The following RNASEH2B variants were observed in gnomAD, a reference collection of about 807,000 sequenced individuals.
RNASEH2B encodes the protein Aicardi-Goutieres syndrome 2 protein.
A neutral mutation model predicts 45.0 loss-of-function variants in RNASEH2B; 36 were observed. The ratio of observed to expected loss-of-function variants is 0.80; its 90% CI spans 0.61 to 1.06. The LOEUF (loss-of-function observed/expected upper bound fraction) is 1.06. RNASEH2B is among the 50% of genes least tolerant of loss of function. RNASEH2B has a pLI of 0.00. For synonymous variants in RNASEH2B, 119 were observed against 125.7 expected, an observed-to-expected ratio of 0.95 and a Z score of 0.35; for missense variants, 361 against 360.3, an observed-to-expected ratio of 1.00 and a Z score of -0.02.
chr13:50,917,186 G>A (rs1879793140), intron 1 of RNASEH2B, among the ~76,000 whole-genome samples: 1 of 152,192 alleles, frequency 6.6e-6, no homozygotes, highest in Non-Finnish European at 1.5e-5. Flanking sequence ...AGAGGAGGAG[G>A]ACAAAGTGGG....
intron 5 of RNASEH2B, chr13:50,943,019 G>A (rs959008431): frequency 2.3e-5 from 7 of 307,180 alleles, no homozygotes; most frequent in African/African-American, 1.3e-4. Context: ...CTATCAACAA[G>A]ATTATTTTCC....
intron 1 of RNASEH2B, chr13:50,927,010 T>A (rs544814520): frequency 4.4e-6 from 1 of 227,294 alleles, no homozygotes; most frequent in East Asian, 1.2e-4. Flanking sequence ...CTTGATTACG[T>A]TAATGTTTTC....
At chr13:50,957,836 T>C (rs1171966203), downstream of RNASEH2B, among the ~76,000 whole-genome samples, 1 of 152,228 alleles carries the variant, frequency 6.6e-6, no homozygotes, top group East Asian at 1.9e-4. Context: ...GTGGTTTTCA[T>C]TTGCTTTGCT....
At position 50,930,752 on chromosome 13, in the gene RNASEH2B, A is replaced by G; in HGVS notation, c.314A>G (p.Asp105Gly). 6.2e-7 allele frequency: 1 copy of G among 1,613,018 alleles called. No homozygotes were observed. Among genetic ancestry groups the G allele is most frequent in the South Asian group, 1.1e-5 (1 of 91,074 alleles). Residue 105 changes from aspartate to glycine, a missense_variant, in exon 4 of 11, where the codon GAT becomes GGT. Asp to Gly is a moderately conservative substitution (Grantham distance 94). Transcript: ENST00000336617. ...CTTCTCCACTACCTCATAAAGGCTG[A>G]TAAGGAGGTGAGTTTCCAGCTCGGA... ...FLLLHYLIKADKEGKFQPLDQ... is the reference protein window; with the variant it reads ...FLLLHYLIKAGKEGKFQPLDQ...
At chr13:50,963,036 T>G (rs550677607) in intron 9 of RNASEH2B, among the ~76,000 whole-genome samples, 158 of 152,232 alleles carry the variant, frequency 1.0e-3, no homozygotes, top group Non-Finnish European at 1.9e-3. Flanking sequence ...TTGTTGGTTG[T>G]TTGTTTTTTT....
intron 9 of RNASEH2B, among the ~76,000 whole-genome samples, chr13:50,961,855 A>C (rs776617869): frequency 4.6e-5 from 7 of 152,142 alleles, no homozygotes; most frequent in Non-Finnish European, 8.8e-5. Context: ...AGGCTGAGAA[A>C]GTTTCCTTCT....
intron 7 of RNASEH2B, among the ~76,000 whole-genome samples, chr13:50,946,043 T>G (rs1221339569): frequency 6.6e-6 from 1 of 152,218 alleles, no homozygotes; most frequent in African/African-American, 2.4e-5. Context: ...TCTGTTTGCA[T>G]TTTCTTCTCA....
chr13:50,964,359 A>G (rs1444360355), intron 9 of RNASEH2B, among the ~76,000 whole-genome samples: 4 of 151,968 alleles, frequency 2.6e-5, no homozygotes, highest in Non-Finnish European at 5.9e-5. Context: ...CTATACTACT[A>G]ACTAATAATA....
intron 1 of RNASEH2B, among the ~76,000 whole-genome samples, chr13:50,923,792 GT>G (rs953933756): frequency 1.3e-5 from 2 of 152,118 alleles, no homozygotes; most frequent in African/African-American, 4.8e-5. Flanking sequence ...ATATATTTTT[GT>G]AACTCATTTG....
chr13:50,961,216 A>G (rs1257634337), downstream of RNASEH2B, among the ~76,000 whole-genome samples: 1 of 152,052 alleles, frequency 6.6e-6, no homozygotes, highest in Non-Finnish European at 1.5e-5. Flanking sequence ...ATTTGTGGGT[A>G]AGTATTCTGG....
intron 4 of RNASEH2B, 71 bp downstream of exon 4, chr13:50,930,830 T>C: frequency 9.1e-7 from 1 of 1,102,516 alleles, no homozygotes. Flanking sequence ...CTCCTCTCTC[T>C]CCTTTTAATG....
downstream of RNASEH2B, among the ~76,000 whole-genome samples, chr13:50,959,012 T>C (rs1952083899): frequency 6.6e-6 from 1 of 152,220 alleles, no homozygotes; most frequent in Admixed American, 6.5e-5. Flanking sequence ...TGCCACCTTG[T>C]TAGCATTGGT....
At chr13:50,956,286 T>G (rs1009541501) in intron 10 of RNASEH2B, 72 bp from the exon 11 acceptor site, 1 of 1,260,728 alleles carries the variant, frequency 7.9e-7, no homozygotes, top group African/African-American at 1.5e-5. Context: ...ACATGCAGTC[T>G]TCTTTGATTT....
chr13:50,928,258 A>T (rs1177753874), intron 2 of RNASEH2B: 1 of 152,210 alleles, frequency 6.6e-6, no homozygotes, highest in African/African-American at 2.4e-5. Flanking sequence ...GTAATACGGA[A>T]TAGTAAAAGT....
chr13:50,969,522 C>CAAA (rs3042194), intron 9 of RNASEH2B, among the ~76,000 whole-genome samples: 9,748 of 100,344 alleles, frequency 0.097, 416 homozygotes, highest in Middle Eastern at 0.22. Flanking sequence ...ACTGCCTCTA[C>CAAA]AAAAAAAAAA....
At chr13:50,921,470 G>C (rs1477346590) in intron 1 of RNASEH2B, 1 of 152,196 alleles carries the variant, frequency 6.6e-6, no homozygotes, top group African/African-American at 2.4e-5. Flanking sequence ...AAAGACAGCA[G>C]AAGTTAGAAA....
chr13:50,924,246 GGGA>G (rs1384636209), intron 1 of RNASEH2B, among the ~76,000 whole-genome samples: 1 of 152,134 alleles, frequency 6.6e-6, no homozygotes, highest in African/African-American at 2.4e-5. Context: ...GCAGAATGGA[GGGA>G]GGAAAACTCC....
intron 1 of RNASEH2B, among the ~76,000 whole-genome samples, chr13:50,925,212 AT>A (rs35802230): frequency 0.08 from 11,916 of 148,158 alleles, 618 homozygotes; most frequent in Admixed American, 0.17. Context: ...CAATTTAGGT[AT>A]TTTTTTTTTG....
chr13:50,912,298 G>A (rs1413169621), intron 1 of RNASEH2B: 1 of 152,336 alleles, frequency 6.6e-6, no homozygotes, highest in Non-Finnish European at 1.5e-5. Context: ...ATTTACCTGG[G>A]GAGCTGGGCC....
Sources: gnomAD v4.1 joint callset for allele counts (sites outside exome capture counted in the v4.1 genomes callset) on GRCh38, gnomAD v4.1.1 for gene constraint, MANE v1.5 for transcripts, NCBI Gene and HGNC (gene_info 2026-07-23, HGNC 2026-07-21) for gene names.